Variants in SPAG6 observed in about 807,000 individuals in gnomAD.
SPAG6 encodes the protein sperm associated antigen 6, also known as sperm-associated antigen 6.
Under a neutral mutation model 58.5 loss-of-function variants are expected in SPAG6, and 49 were observed. That is an observed-to-expected ratio of 0.84 (90% CI 0.67 to 1.06). The LOEUF (loss-of-function observed/expected upper bound fraction) is 1.06. SPAG6 is among the 50% of genes least tolerant of loss of function. SPAG6 has a pLI of 0.00. For synonymous variants in SPAG6, 233 were observed against 225.6 expected (o/e 1.03, Z -0.29); for missense variants, 560 against 611.3 (o/e 0.92, Z 0.89).
rs1416730809 is a variant in SPAG6, at chr10:22,416,621, A to C, written c.1463A>C (p.Tyr488Ser). The C allele has an allele frequency of 6.3e-7, 1 of 1,597,800 alleles. No homozygotes were observed. Among genetic ancestry groups the C allele is most frequent in the African/African-American group, 1.3e-5 (1 of 74,660 alleles). Reference protein sequence around the residue: ...NSCYPEEIVRYYSPGYSDTLL... With the variant: ...NSCYPEEIVRSYSPGYSDTLL... ...TAATAGTGTATTTTCTTTTTCAGGT[A>C]TTATTCCCCTGGATATTCAGATACA... Residue 488 changes from tyrosine (Y) to serine (S), a missense_variant and splice_region_variant, in exon 11 of 11, where the codon TAT becomes TCT. Coordinates refer to ENST00000376624, the MANE Select transcript of SPAG6 (RefSeq NM_012443.4).
intron 4 of SPAG6, among the ~76,000 whole-genome samples, chr10:22,385,903 C>T (rs764783854): frequency 6.6e-6 from 1 of 152,014 alleles, no homozygotes; most frequent in East Asian, 1.9e-4. Flanking sequence ...TAAGAGGGGC[C>T]GTGAATACAA....
At chr10:22,415,825 T>C (rs532701056) in intron 10 of SPAG6, among the ~76,000 whole-genome samples, 34 of 152,288 alleles carry the variant, frequency 2.2e-4, no homozygotes, top group African/African-American at 7.0e-4. Flanking sequence ...TATACTTCCA[T>C]AGATTTAAAA....
At chr10:22,360,848 G>T in intron 2 of SPAG6, 2 of 1,527,824 alleles carry the variant, frequency 1.3e-6, no homozygotes, top group South Asian at 2.4e-5. Flanking sequence ...TGGATCTCTG[G>T]ATACCTAATG....
rs117331179 is a variant in SPAG6 at position 22,393,699 on chromosome 10, G to A, written c.1197+1779G>A. On this transcript the variant is annotated intron_variant, in intron 8 of 10. Transcript: ENST00000376624. Reference sequence around the variant, plus strand: ...CCATCAACAATCTTTTAAAGGCTTCGAGCCCATCCAAATATTTTATTATTG... The same window carrying A: ...CCATCAACAATCTTTTAAAGGCTTCAAGCCCATCCAAATATTTTATTATTG... Among the ~76,000 whole-genome samples the A allele has an allele frequency of 4.2e-3, 637 of 152,172 alleles. 3 individuals are homozygous for A. The highest frequency in any genetic ancestry group is 6.9e-3 in the Non-Finnish European group (466 of 67,986).
At position 22,368,532 on chromosome 10, in the gene SPAG6, C is replaced by A. The variant is rs758874667; in HGVS notation, c.326C>A (p.Ala109Glu). ...YKKAAAFVLRAVGKHSPQLAQ... is the reference protein window; with the variant it reads ...YKKAAAFVLREVGKHSPQLAQ... ...AAAGCAGCTGCCTTTGTGTTACGAG[C>A]AGTTGGTAAACATTCTCCCCAGCTA... The change falls in exon 4 of 11, where the codon GCA becomes GAA. Residue 109 changes from alanine to glutamate, a missense_variant. Physicochemically the swap from Ala to Glu is moderately radical, Grantham distance 107 (BLOSUM62 -1). Transcript: ENST00000376624. 5.6e-6 allele frequency: 9 copies of A among 1,613,764 alleles called. No individual in the cohort carries two copies. Among genetic ancestry groups the A allele is most frequent in the African/African-American group, 4.0e-5 (3 of 74,880 alleles).
intron 2 of SPAG6, among the ~76,000 whole-genome samples, chr10:22,352,776 T>C (rs1011112442): frequency 2.6e-5 from 4 of 152,262 alleles, no homozygotes; most frequent in African/African-American, 4.8e-5. Context: ...CCCAAAGTGC[T>C]GGGATTACAG....
At chr10:22,346,497 T>TTCTTCTTC (rs1554776508) in intron 2 of SPAG6, among the ~76,000 whole-genome samples, 10 of 74,370 alleles carry the variant, frequency 1.3e-4, no homozygotes, top group East Asian at 5.1e-4. Context: ...CTTCTTCTTC[T>TTCTTCTTC]TTCTTCTTCT....
chr10:22,406,679 T>C (rs892714101), intron 9 of SPAG6, among the ~76,000 whole-genome samples: 1 of 152,194 alleles, frequency 6.6e-6, no homozygotes, highest in Admixed American at 6.5e-5. Flanking sequence ...CTGAGTTCAA[T>C]TCCTGGGTTT....
chr10:22,354,861 T>C (rs1836823503), intron 2 of SPAG6, among the ~76,000 whole-genome samples: 1 of 151,896 alleles, frequency 6.6e-6, no homozygotes, highest in African/African-American at 2.4e-5. Flanking sequence ...ATACAAAAAT[T>C]AGCCAGGTGT....
intron 8 of SPAG6, 48 bp from the exon 9 acceptor site, chr10:22,401,113 G>C (rs772928173): frequency 1.2e-6 from 1 of 833,190 alleles, no homozygotes; most frequent in Non-Finnish European, 2.0e-6. Context: ...TCTTGTCAAG[G>C]TTTCATTGAT....
At chr10:22,380,554 G>C (rs1167312655) in intron 4 of SPAG6, among the ~76,000 whole-genome samples, 1 of 151,954 alleles carries the variant, frequency 6.6e-6, no homozygotes, top group Non-Finnish European at 1.5e-5. Context: ...CAATCTGCCT[G>C]CCTCAGGCTC....
intron 8 of SPAG6, among the ~76,000 whole-genome samples, chr10:22,393,755 C>G (rs1204325528): frequency 2.0e-5 from 3 of 152,056 alleles, no homozygotes; most frequent in Non-Finnish European, 4.4e-5. Context: ...TTTCTTTCCC[C>G]ACGGTCTCGT....
chr10:22,371,326 T>G (rs1456773743), intron 4 of SPAG6, among the ~76,000 whole-genome samples: 2 of 152,172 alleles, frequency 1.3e-5, no homozygotes, highest in Admixed American at 1.3e-4. Context: ...CAATCTCAGC[T>G]CGCTGCAACC....
chr10:22,412,411 A>C (rs1395097954), intron 10 of SPAG6: 2 of 1,184,452 alleles, frequency 1.7e-6, no homozygotes, highest in Admixed American at 4.2e-5. Flanking sequence ...TTTTAAGATT[A>C]AAATTTGTTT....
chr10:22,362,063 A>G (rs1436188324), intron 2 of SPAG6, among the ~76,000 whole-genome samples: 1 of 146,032 alleles, frequency 6.8e-6, no homozygotes, highest in Admixed American at 6.9e-5. Flanking sequence ...TTTATTCTAT[A>G]TAAGTATATA....
intron 3 of SPAG6, 66 bp from the exon 4 acceptor site, chr10:22,368,429 C>T: frequency 2.3e-6 from 3 of 1,280,726 alleles, no homozygotes; most frequent in Non-Finnish European, 3.3e-6. Flanking sequence ...TAGTTTTGGT[C>T]TATTTTAGAT....
chr10:22,364,015 G>A (rs1294999090), intron 2 of SPAG6, among the ~76,000 whole-genome samples: 2 of 152,150 alleles, frequency 1.3e-5, no homozygotes, highest in Non-Finnish European at 1.5e-5. Context: ...AATAGAAAGA[G>A]CTGGAATATC....
At chr10:22,410,459 G>C (rs1834702336) in intron 9 of SPAG6, among the ~76,000 whole-genome samples, 1 of 152,098 alleles carries the variant, frequency 6.6e-6, no homozygotes. Context: ...AGGGGATAGG[G>C]GCTTCCAGAG....
At chr10:22,413,119 A>G (rs1265424094) in intron 10 of SPAG6, 1 of 148,648 alleles carries the variant, frequency 6.7e-6, no homozygotes, top group Admixed American at 6.7e-5. Context: ...TGAATGACCT[A>G]TTAGAATCAA....
Sources: gnomAD v4.1 joint callset for allele counts (sites outside exome capture counted in the v4.1 genomes callset) on GRCh38, gnomAD v4.1.1 for gene constraint, MANE v1.5 for transcripts, NCBI Gene and HGNC (gene_info 2026-07-23, HGNC 2026-07-21) for gene names.